The following MCM3 variants were observed in gnomAD, a reference collection of about 807,000 sequenced individuals.
MCM3 encodes the protein minichromosome maintenance complex component 3, also known as DNA replication licensing factor MCM3.
A neutral mutation model predicts 91.3 loss-of-function variants in MCM3; 59 were observed. The ratio of observed to expected loss-of-function variants is 0.65; its 90% CI spans 0.52 to 0.80. MCM3 has a LOEUF of 0.80. Among genes scored for constraint, MCM3 ranks in the 30% least tolerant of loss-of-function variants. The pLI, the probability that MCM3 is intolerant of heterozygous loss-of-function variation, is 0.00. For synonymous variants in MCM3, 383 were observed against 379.6 expected (o/e 1.01, Z -0.10); for missense variants, 919 against 1,035.4 (o/e 0.89, Z 1.54).
intron 1 of MCM3, among the ~76,000 whole-genome samples, chr6:52,283,986 T>C (rs1581755638): frequency 6.6e-6 from 1 of 152,228 alleles, no homozygotes; most frequent in East Asian, 1.9e-4. Flanking sequence ...GAAAGGGTTC[T>C]CATACCCCGA....
At chr6:52,269,307 C>T in intron 12 of MCM3, 81 bp from the exon 13 acceptor site, 1 of 1,445,458 alleles carries the variant, frequency 6.9e-7, no homozygotes, top group Admixed American at 2.0e-5. Flanking sequence ...AGGGAAATGA[C>T]ACTACCAGAA....
Position 52,277,559 on chromosome 6 carries a change from C to T in MCM3, c.1009G>A (p.Gly337Arg), listed in dbSNP as rs1765690508. The T allele has an allele frequency of 6.2e-7, 1 of 1,613,974 alleles. No homozygotes were observed. The highest frequency in any genetic ancestry group is 2.2e-5 in the East Asian group (1 of 44,862). Residue 337 changes from glycine (G) to arginine (R), a missense_variant, in exon 7 of 17, where the codon GGG (glycine) becomes AGG (arginine). Physicochemically the swap from Gly to Arg is moderately radical, Grantham distance 125. Transcript: ENST00000596288. ...CCTATTAGAAGAATATTGATGTCCC[C>T]ACGGATGTGGCTGCCATTTTCTAGG... is the stretch of plus-strand genomic sequence containing the variant. ...RDLENGSHIRGDINILLIGDP... is the reference protein window; with the variant it reads ...RDLENGSHIRRDINILLIGDP...
At position 52,279,387 on chromosome 6, in the gene MCM3, C is replaced by T. The variant is rs748802576; in HGVS notation, c.744G>A (p.Lys248=). 5.6e-6 allele frequency: 9 copies of T among 1,614,098 alleles called. No individual in the cohort carries two copies. In the African/African-American group the frequency reaches 9.3e-5, roughly 17 times the overall value. The change falls in exon 5 of 17, where the codon AAG becomes AAA. Residue 248 remains lysine, a synonymous_variant. Coordinates refer to ENST00000596288, the MANE Select transcript of MCM3 (RefSeq NM_002388.6). ...VGTYRCLPGK[K]GGYTSGTFRT... ...TGAAGGTCCCAGAGGTGTAGCCTCC[C>T]TTCTTTCCAGGAAGGCAACGGTAGG...
At chr6:52,273,172 T>G in intron 11 of MCM3, 58 bp downstream of exon 11, 1 of 1,606,446 alleles carries the variant, frequency 6.2e-7, no homozygotes, top group South Asian at 1.1e-5. Flanking sequence ...GATATACACA[T>G]GCTCTAATAT....
chr6:52,279,440 G>C lies in MCM3; in HGVS notation c.691C>G (p.Pro231Ala). ...CCCACCACCTGAACCCGGTCACCAG[G>C]CTTCGCTTTATCCACCAAGTCATCA... ...LDDDLVDKAK[P>A]GDRVQVVGTY... Residue 231 changes from proline to alanine, a missense_variant, in exon 5 of 17, where the codon CCT becomes GCT. Pro to Ala is a conservative substitution (Grantham distance 27). Coordinates refer to ENST00000596288, the MANE Select transcript of MCM3 (RefSeq NM_002388.6). 1 of 1,614,114 alleles carries C rather than the reference G, an allele frequency of 6.2e-7. No homozygotes were observed. Among genetic ancestry groups the C allele is most frequent in the Non-Finnish European group, 8.5e-7 (1 of 1,180,034 alleles).
intron 5 of MCM3, 134 bp from the exon 6 acceptor site, chr6:52,278,984 G>A (rs544941315): frequency 4.5e-4 from 268 of 600,094 alleles, no homozygotes; most frequent in Non-Finnish European, 6.7e-4. Context: ...GGAGGGGGCA[G>A]GTAGCTATTG....
chr6:52,277,670 C>T lies in MCM3; in HGVS notation c.898G>A (p.Ala300Thr). The T allele has an allele frequency of 6.2e-7, 1 of 1,613,854 alleles. No individual in the cohort carries two copies. Among genetic ancestry groups the T allele is most frequent in the Non-Finnish European group, 8.5e-7 (1 of 1,179,908 alleles). ...TGGATACTTGGGGCCAATGACTTGGCCAGCTGGTCAAAGATATCCTACAGG... is the reference window on the plus strand; with the variant it reads ...TGGATACTTGGGGCCAATGACTTGGTCAGCTGGTCAAAGATATCCTACAGG... ...TRSKDIFDQL[A>T]KSLAPSIHGH... The change falls in exon 7 of 17, where the codon GCC (alanine) becomes ACC (threonine). Residue 300 changes from alanine to threonine, a missense_variant. Coordinates refer to ENST00000596288, the MANE Select transcript of MCM3 (RefSeq NM_002388.6).
Position 52,282,037 on chromosome 6 carries a change from C to T in MCM3, c.531+8G>A, listed in dbSNP as rs775830662. The T allele has an allele frequency of 1.2e-6, 2 of 1,613,350 alleles. No individual in the cohort carries two copies. Among genetic ancestry groups the T allele is most frequent in the Non-Finnish European group, 8.5e-7 (1 of 1,179,718 alleles). ...TCCAAGACAGCTCAACTGATTTATC[C>T]CCCTTACCTTGGTAGGATAGACAGA... On this transcript the variant is annotated splice_region_variant and intron_variant, in intron 4 of 16. Transcript: ENST00000596288.
chr6:52,267,089 G>T (rs917236940), intron 14 of MCM3, among the ~76,000 whole-genome samples: 1 of 103,050 alleles, frequency 9.7e-6, no homozygotes, highest in Non-Finnish European at 2.2e-5. Flanking sequence ...TTTACCCAGG[G>T]TATCTTCTTT....
At chr6:52,280,161 A>G (rs755719336) in intron 4 of MCM3, among the ~76,000 whole-genome samples, 22 of 152,224 alleles carry the variant, frequency 1.4e-4, no homozygotes, top group Non-Finnish European at 2.8e-4. Context: ...AGTAATCCAT[A>G]CTGTTAGACA....
chr6:52,281,922 G>T (rs980331823), intron 4 of MCM3, 123 bp downstream of exon 4: 3 of 936,518 alleles, frequency 3.2e-6, no homozygotes, highest in Non-Finnish European at 4.6e-6. Flanking sequence ...CTTTCCTTTG[G>T]ATTAATCCTT....
rs1765805458 is a variant in MCM3, at chr6:52,278,805, A to C, written c.816T>G (p.Ala272=). ...ACNVKQMSKD[A]QPSFSAEDIA... ...TATCCTCAGCAGAGAAAGAGGGCTG[A>C]GCATCCTTGCTCATCTGCTTAACAT... Residue 272 remains alanine, a synonymous_variant, in exon 6 of 17, where the codon GCT becomes GCG. Transcript: ENST00000596288. 1 of 1,613,976 alleles carries C rather than the reference A, an allele frequency of 6.2e-7. No homozygotes were observed. Among genetic ancestry groups the C allele is most frequent in the African/African-American group, 1.3e-5 (1 of 74,944 alleles).
rs1765215405 is a variant in MCM3, at chr6:52,272,426, T to C, written c.1702A>G (p.Met568Val). ...KKEKMVSAAFMKKYIHVAKII... is the reference protein window; with the variant it reads ...KKEKMVSAAFVKKYIHVAKII... ...TTGGCCACATGGATGTACTTCTTCA[T>C]GAATGCTGCACTCACCATCTTCTCC... Residue 568 changes from methionine (M) to valine (V), a missense_variant, in exon 12 of 17, where the codon ATG (methionine) becomes GTG (valine). By Grantham distance (21) the Met-to-Val change is conservative (BLOSUM62 1). Coordinates refer to ENST00000596288, the MANE Select transcript of MCM3 (RefSeq NM_002388.6). 2 of 1,614,068 alleles carry C rather than the reference T, an allele frequency of 1.2e-6. No homozygotes were observed.
At position 52,264,502 on chromosome 6, in the gene MCM3, T is replaced by C; in HGVS notation, c.*86A>G. 1 of 1,414,920 alleles carries C rather than the reference T, an allele frequency of 7.1e-7. No homozygotes were observed. The highest frequency in any genetic ancestry group is 9.9e-7 in the Non-Finnish European group (1 of 1,007,818). 87.6% of individuals were successfully genotyped at this position (1,414,920 alleles called of 1,614,324 possible). On this transcript the variant is annotated 3_prime_UTR_variant, in exon 17 of 17. Coordinates refer to ENST00000596288, the MANE Select transcript of MCM3 (RefSeq NM_002388.6). ...GTTGAATTCAACACTGTTAAGGGAG[T>C]AGAGGCAAAGACTTGGGTCAGGGAG... is the stretch of plus-strand genomic sequence containing the variant.
intron 9 of MCM3, among the ~76,000 whole-genome samples, chr6:52,275,155 C>T (rs1765455602): frequency 6.6e-6 from 1 of 152,164 alleles, no homozygotes. Context: ...CTACCAAGAG[C>T]TCCAACTCAA....
At chr6:52,273,485 A>T in intron 10 of MCM3, 129 bp from the exon 11 acceptor site, 1 of 930,000 alleles carries the variant, frequency 1.1e-6, no homozygotes, top group South Asian at 1.7e-5. Flanking sequence ...AATCAGACAC[A>T]TGGAACCCAC....
At chr6:52,284,414 C>T (rs183959039) in intron 1 of MCM3, among the ~76,000 whole-genome samples, 183 bp downstream of exon 1, 207 of 152,350 alleles carry the variant, frequency 1.4e-3, no homozygotes, top group Non-Finnish European at 2.2e-3. Context: ...TAAGAGTTCA[C>T]TTATCGAACA....
Position 52,270,657 on chromosome 6 carries a change from T to C in MCM3, c.1828-1431A>G, listed in dbSNP as rs573595144. Among the ~76,000 whole-genome samples, 5 of 152,278 alleles carry C rather than the reference T, an allele frequency of 3.3e-5. No individual in the cohort carries two copies. The South Asian group carries it at 1.0e-3, about 32-fold the overall frequency. The stretch of plus-strand genomic sequence containing the variant: ...GAATCCAAATTCTCTTGGAATTCAC[T>C]TACAGACCCCACACTAAGACAATTA... On this transcript the variant is annotated intron_variant, in intron 12 of 16. Transcript: ENST00000596288.
chr6:52,274,560 C>T (rs1027119874), intron 9 of MCM3, among the ~76,000 whole-genome samples: 3 of 151,940 alleles, frequency 2.0e-5, no homozygotes, highest in Non-Finnish European at 4.4e-5. Context: ...TGGTGGTACG[C>T]ATCTGTAGTC....
Sources: gnomAD v4.1 joint callset for allele counts (sites outside exome capture counted in the v4.1 genomes callset) on GRCh38, gnomAD v4.1.1 for gene constraint, MANE v1.5 for transcripts, NCBI Gene and HGNC (gene_info 2026-07-23, HGNC 2026-07-21) for gene names.